Variants in CYB5R4 observed in about 807,000 individuals in gnomAD.
CYB5R4 encodes the protein N-terminal cytochrome b5 and cytochrome b5 oxidoreductase domain-containing protein.
Under a neutral mutation model 70.2 loss-of-function variants are expected in CYB5R4, and 55 were observed. That is an observed-to-expected ratio of 0.78 (90% CI 0.63 to 0.98). CYB5R4 has a LOEUF of 0.98. Among genes scored for constraint, CYB5R4 ranks in the 50% least tolerant of loss-of-function variants. The probability of loss-of-function intolerance (pLI) is 0.00; values close to 1 mark genes in which losing one functional copy is unlikely to be tolerated. For synonymous variants in CYB5R4, 197 were observed against 199.5 expected (o/e 0.99, Z 0.11); for missense variants, 562 against 612.6 (o/e 0.92, Z 0.87).
intron 14 of CYB5R4, 75 bp from the exon 15 acceptor site, chr6:83,955,223 T>C: frequency 1.6e-6 from 2 of 1,221,210 alleles, no homozygotes; most frequent in South Asian, 1.7e-5. Context: ...GGGAGAAATA[T>C]ATTCTTGAAC....
intron 2 of CYB5R4, among the ~76,000 whole-genome samples, chr6:83,881,925 T>C (rs1285429882): frequency 6.6e-6 from 1 of 152,236 alleles, no homozygotes; most frequent in African/African-American, 2.4e-5. Context: ...CTTTCATTAA[T>C]TTATTTTCCA....
At chr6:83,880,399 GCTAA>G (rs10599041) in intron 2 of CYB5R4, among the ~76,000 whole-genome samples, 2,216 of 152,226 alleles carry the variant, frequency 0.015, 58 homozygotes, top group African/African-American at 0.05. Flanking sequence ...GTTAAGTGCT[GCTAA>G]CTGTCACTGT....
At chr6:83,916,591 C>T (rs1478238716) in intron 5 of CYB5R4, among the ~76,000 whole-genome samples, 1 of 152,182 alleles carries the variant, frequency 6.6e-6, no homozygotes, top group Non-Finnish European at 1.5e-5. Context: ...TATTAGTTCA[C>T]AACTCTGACC....
intron 3 of CYB5R4, among the ~76,000 whole-genome samples, chr6:83,908,802 G>A (rs1402220934): frequency 6.6e-6 from 1 of 152,122 alleles, no homozygotes; most frequent in Non-Finnish European, 1.5e-5. Flanking sequence ...AACTTCCAAA[G>A]GTCCCAACAC....
At chr6:83,903,026 C>T (rs1386073554) in intron 3 of CYB5R4, among the ~76,000 whole-genome samples, 2 of 151,990 alleles carry the variant, frequency 1.3e-5, no homozygotes, top group African/African-American at 4.8e-5. Flanking sequence ...CTTTCTCTTG[C>T]ATTGCTCTGT....
chr6:83,940,889 A>G (rs1052717346), intron 14 of CYB5R4, among the ~76,000 whole-genome samples: 1 of 152,146 alleles, frequency 6.6e-6, no homozygotes, highest in African/African-American at 2.4e-5. Flanking sequence ...AAATGTTCCA[A>G]TGTAGCCAGT....
intron 14 of CYB5R4, among the ~76,000 whole-genome samples, chr6:83,942,063 A>G (rs1338762207): frequency 1.3e-5 from 2 of 152,188 alleles, no homozygotes; most frequent in East Asian, 3.9e-4. Flanking sequence ...CCTCCCTCAG[A>G]CATTTGAATT....
At chr6:83,885,849 T>C (rs1424514955) in intron 2 of CYB5R4, among the ~76,000 whole-genome samples, 2 of 152,176 alleles carry the variant, frequency 1.3e-5, no homozygotes, top group African/African-American at 2.4e-5. Flanking sequence ...AGGTTAAATA[T>C]AGAATACTCT....
intron 15 of CYB5R4, among the ~76,000 whole-genome samples, chr6:83,956,928 T>G (rs2099472513): frequency 6.6e-6 from 1 of 151,798 alleles, no homozygotes; most frequent in Admixed American, 6.6e-5. Context: ...AATCAGAGTT[T>G]AGTCCTCATA....
At chr6:83,901,493 T>G (rs2099462946) in intron 3 of CYB5R4, among the ~76,000 whole-genome samples, 1 of 152,178 alleles carries the variant, frequency 6.6e-6, no homozygotes, top group Non-Finnish European at 1.5e-5. Flanking sequence ...TTTCCTGAAT[T>G]TGAATGTTAG....
intron 3 of CYB5R4, among the ~76,000 whole-genome samples, chr6:83,900,789 C>A (rs760656089): frequency 1.3e-5 from 2 of 152,108 alleles, no homozygotes; most frequent in Non-Finnish European, 2.9e-5. Flanking sequence ...AGGATTGCAA[C>A]CCCTGCCTTT....
intron 3 of CYB5R4, among the ~76,000 whole-genome samples, chr6:83,899,637 T>A (rs1240019712): frequency 6.6e-6 from 1 of 152,226 alleles, no homozygotes; most frequent in Non-Finnish European, 1.5e-5. Flanking sequence ...TTGCCTCAAT[T>A]TCAGAGCCTG....
chr6:83,922,558 C>T, intron 9 of CYB5R4, 88 bp downstream of exon 9: 3 of 887,162 alleles, frequency 3.4e-6, no homozygotes, highest in East Asian at 2.5e-5. Context: ...GAAAAATTAG[C>T]ATTTGTTTTA....
intron 3 of CYB5R4, among the ~76,000 whole-genome samples, chr6:83,901,792 A>T (rs2099463012): frequency 6.6e-6 from 1 of 151,348 alleles, no homozygotes; most frequent in African/African-American, 2.4e-5. Context: ...GATCAGTGAT[A>T]TTGAGCATTT....
intron 14 of CYB5R4, among the ~76,000 whole-genome samples, chr6:83,943,383 A>G (rs1231135591): frequency 1.3e-5 from 2 of 152,168 alleles, no homozygotes. Flanking sequence ...TGACTGTTAT[A>G]AGGTAAACTA....
At chr6:83,935,408 G>A (rs1232473601) in intron 11 of CYB5R4, among the ~76,000 whole-genome samples, 3 of 152,058 alleles carry the variant, frequency 2.0e-5, no homozygotes, top group Non-Finnish European at 4.4e-5. Context: ...GCACTGTTAA[G>A]GTTTTCTGTT....
chr6:83,931,930 C>T lies in CYB5R4; in HGVS notation c.815-2665C>T, dbSNP rs548020717. Among the ~76,000 whole-genome samples the T allele has an allele frequency of 1.1e-4, 16 of 150,290 alleles. No homozygotes were observed. The South Asian group carries it at 3.2e-3, about 30-fold the overall frequency. On this transcript the variant is annotated intron_variant, in intron 10 of 15. Transcript: ENST00000369681. ...CTTGTCATTTACATTAGGTATATCT[C>T]CTAATGCTATCCCTCCCCCCTCCCC... is the stretch of plus-strand genomic sequence containing the variant.
intron 2 of CYB5R4, among the ~76,000 whole-genome samples, chr6:83,893,133 C>T (rs1454455449): frequency 2.6e-5 from 4 of 152,180 alleles, no homozygotes; most frequent in Admixed American, 2.6e-4. Context: ...TTCCTGAGCT[C>T]AGAGTTCCTC....
intron 3 of CYB5R4, among the ~76,000 whole-genome samples, chr6:83,905,732 A>G (rs1422834978): frequency 1.3e-5 from 2 of 152,116 alleles, no homozygotes. Context: ...AATAGTGGCA[A>G]CAGTGGGTGA....
Sources: allele counts gnomAD v4.1 joint callset (sites outside exome capture counted in the v4.1 genomes callset), GRCh38; gene constraint gnomAD v4.1.1; transcripts MANE v1.5; gene names NCBI Gene and HGNC (gene_info 2026-07-23, HGNC 2026-07-21).